ATRNL1: variants seen among roughly 807,000 people sequenced by gnomAD.
ATRNL1 encodes attractin like 1, also known as attractin-like protein 1.
ATRNL1 carries 95 observed loss-of-function variants against 182.7 expected under a neutral mutation model. The ratio of observed to expected loss-of-function variants is 0.52; its 90% CI spans 0.44 to 0.62. The LOEUF (loss-of-function observed/expected upper bound fraction) is 0.62. Among genes scored for constraint, ATRNL1 ranks in the 20% least tolerant of loss-of-function variants. The pLI, the probability that ATRNL1 is intolerant of heterozygous loss-of-function variation, is 0.00. For synonymous variants in ATRNL1, 576 were observed against 568.3 expected (o/e 1.01, Z -0.19); for missense variants, 1,471 against 1,679.5 (o/e 0.88, Z 2.17).
intron 24 of ATRNL1, among the ~76,000 whole-genome samples, chr10:115,477,006 T>A (rs1554973276): frequency 1.3e-5 from 2 of 151,544 alleles, no homozygotes; most frequent in Non-Finnish European, 3.0e-5. Context: ...GTTTTTAAAT[T>A]GAGAGATGAG....
At chr10:115,747,480 A>G (rs1321783147) in intron 27 of ATRNL1, among the ~76,000 whole-genome samples, 12 of 152,126 alleles carry the variant, frequency 7.9e-5, no homozygotes, top group African/African-American at 2.9e-4. Context: ...AAGATCACCA[A>G]ATGCTTATTC....
chr10:115,194,758 T>C (rs985843140), intron 8 of ATRNL1, among the ~76,000 whole-genome samples: 38 of 152,064 alleles, frequency 2.5e-4, no homozygotes, highest in Middle Eastern at 3.4e-3. Context: ...ATTTTGTTGG[T>C]CTTTCTTTTT....
rs576879323 is a variant in ATRNL1 at position 115,100,626 on chromosome 10, G to C, written c.293+6583G>C. 1.4e-4 allele frequency among the ~76,000 whole-genome samples: 22 copies of C among 152,252 alleles called. No individual in the cohort carries two copies. In the East Asian group the frequency reaches 1.9e-3, roughly 13 times the overall value. On this transcript the variant is annotated intron_variant, in intron 1 of 28. Coordinates refer to ENST00000355044, the MANE Select transcript of ATRNL1 (RefSeq NM_207303.4). ...GATCTCTTTGTCTATTTGTATGTCA[G>C]TACAACAATGTCTTGATTATTGTTT... is the stretch of plus-strand genomic sequence containing the variant.
chr10:115,553,694 T>A (rs553827056), intron 26 of ATRNL1, among the ~76,000 whole-genome samples: 32 of 151,492 alleles, frequency 2.1e-4, no homozygotes, highest in African/African-American at 7.2e-4. Context: ...TTTAGTAGCT[T>A]TGAGTAACAA....
At chr10:115,252,079 T>C (rs577718177) in intron 10 of ATRNL1, among the ~76,000 whole-genome samples, 2 of 152,214 alleles carry the variant, frequency 1.3e-5, no homozygotes, top group African/African-American at 4.8e-5. Flanking sequence ...CAGGCTGGAG[T>C]GCAGTGGTTC....
chr10:115,676,842 C>A (rs891055046), intron 26 of ATRNL1, among the ~76,000 whole-genome samples: 3 of 151,990 alleles, frequency 2.0e-5, no homozygotes, highest in Non-Finnish European at 2.9e-5. Context: ...TGAATGGAGA[C>A]ACTCACAGGA....
At chr10:115,106,673 G>A (rs1031118155) in intron 1 of ATRNL1, among the ~76,000 whole-genome samples, 6 of 152,154 alleles carry the variant, frequency 3.9e-5, no homozygotes, top group Non-Finnish European at 8.8e-5. Context: ...GGTTTATCAG[G>A]TGTTTCTGCT....
At chr10:115,651,317 C>T (rs1859987023) in intron 26 of ATRNL1, among the ~76,000 whole-genome samples, 1 of 152,154 alleles carries the variant, frequency 6.6e-6, no homozygotes, top group African/African-American at 2.4e-5. Flanking sequence ...CAGCGTCCCG[C>T]ATTAGACCTA....
chr10:115,924,231 G>A (rs1269535888), intron 28 of ATRNL1, among the ~76,000 whole-genome samples: 1 of 152,114 alleles, frequency 6.6e-6, no homozygotes, highest in African/African-American at 2.4e-5. Flanking sequence ...TTCTTTTGCT[G>A]TGCAGAAGCT....
chr10:115,400,529 A>G (rs782616637), intron 20 of ATRNL1, among the ~76,000 whole-genome samples: 2 of 151,954 alleles, frequency 1.3e-5, no homozygotes, highest in Admixed American at 6.6e-5. Flanking sequence ...TCTGTCTAAT[A>G]TTGTCAGTGG....
chr10:115,641,967 T>C (rs1225313932), intron 26 of ATRNL1, among the ~76,000 whole-genome samples: 1 of 152,094 alleles, frequency 6.6e-6, no homozygotes, highest in Non-Finnish European at 1.5e-5. Flanking sequence ...AAGTATGTGA[T>C]TGATTACTTA....
chr10:115,336,091 TG>T (rs1855467300), intron 19 of ATRNL1, among the ~76,000 whole-genome samples: 1 of 152,218 alleles, frequency 6.6e-6, no homozygotes, highest in Admixed American at 6.5e-5. Context: ...CAAAACTGTA[TG>T]GTATTACTTT....
chr10:115,537,764 G>T (rs80042506), intron 25 of ATRNL1, among the ~76,000 whole-genome samples: 4,133 of 151,744 alleles, frequency 0.027, 220 homozygotes, highest in African/African-American at 0.096. Context: ...TTCCTTTTGC[G>T]GGGAGTACAG....
At chr10:115,944,555 A>G (rs1953828390) in intron 28 of ATRNL1, 103 bp from the exon 29 acceptor site, 2 of 963,624 alleles carry the variant, frequency 2.1e-6, no homozygotes, top group Non-Finnish European at 2.9e-6. Context: ...CAAACGTGTG[A>G]TGACTAAATG....
At chr10:115,416,817 A>G (rs567241762) in intron 20 of ATRNL1, among the ~76,000 whole-genome samples, 14 of 152,370 alleles carry the variant, frequency 9.2e-5, no homozygotes, top group African/African-American at 3.1e-4. Flanking sequence ...AAAATGTTAT[A>G]ACTTTCATAT....
At chr10:115,131,643 T>G (rs1459649782) in intron 5 of ATRNL1, among the ~76,000 whole-genome samples, 2 of 152,174 alleles carry the variant, frequency 1.3e-5, no homozygotes, top group African/African-American at 4.8e-5. Flanking sequence ...GATCAAAGAA[T>G]GAGAGACATG....
intron 10 of ATRNL1, among the ~76,000 whole-genome samples, chr10:115,247,232 G>C (rs1554904292): frequency 6.6e-6 from 1 of 152,184 alleles, no homozygotes; most frequent in South Asian, 2.1e-4. Flanking sequence ...CCTCCAGAAG[G>C]GGAGAAAATA....
chr10:115,574,492 C>G (rs1216380194), intron 26 of ATRNL1, among the ~76,000 whole-genome samples: 1 of 152,082 alleles, frequency 6.6e-6, no homozygotes, highest in Non-Finnish European at 1.5e-5. Context: ...AAGACAGTAA[C>G]TAGTATATCA....
intron 26 of ATRNL1, among the ~76,000 whole-genome samples, chr10:115,620,197 T>C (rs1171562071): frequency 2.0e-5 from 3 of 152,108 alleles, no homozygotes; most frequent in African/African-American, 4.8e-5. Context: ...AGGGGAAGCA[T>C]GCCTGTCACA....
Sources: gnomAD v4.1 joint callset for allele counts (sites outside exome capture counted in the v4.1 genomes callset) on GRCh38, gnomAD v4.1.1 for gene constraint, MANE v1.5 for transcripts, NCBI Gene and HGNC (gene_info 2026-07-23, HGNC 2026-07-21) for gene names.